Variants in SPON1 observed in about 807,000 individuals in gnomAD.
SPON1 encodes spondin-1.
A neutral mutation model predicts 111.7 loss-of-function variants in SPON1; 52 were observed. The ratio of observed to expected loss-of-function variants is 0.47; its 90% CI spans 0.37 to 0.59. The LOEUF (loss-of-function observed/expected upper bound fraction) is 0.59, where lower values mean the gene tolerates loss of function less well. Ranked by LOEUF, SPON1 falls within the 20% of genes least tolerant of loss-of-function variation. The pLI, the probability that SPON1 is intolerant of heterozygous loss-of-function variation, is 0.00. For synonymous variants in SPON1, 410 were observed against 395.8 expected (o/e 1.04, Z -0.43); for missense variants, 957 against 1,068.5 (o/e 0.90, Z 1.46).
chr11:14,040,143 C>G (rs1017983478), intron 2 of SPON1, among the ~76,000 whole-genome samples: 1 of 152,124 alleles, frequency 6.6e-6, no homozygotes, highest in Non-Finnish European at 1.5e-5. Context: ...AGCAATCCTA[C>G]TACATTATCA....
At chr11:14,262,556 C>A (rs1849198005) in intron 14 of SPON1, 156 bp from the exon 15 acceptor site, 1 of 982,630 alleles carries the variant, frequency 1.0e-6, no homozygotes, top group Non-Finnish European at 1.5e-6. Flanking sequence ...TGAAGTCAGC[C>A]TGCCTCTTTG....
intron 5 of SPON1, among the ~76,000 whole-genome samples, chr11:14,096,614 C>A (rs1235531199): frequency 2.6e-5 from 4 of 152,202 alleles, no homozygotes; most frequent in Non-Finnish European, 5.9e-5. Context: ...CCAGCAGCCA[C>A]AGCTTCTGCC....
rs534213039 is a variant in SPON1 at position 13,991,310 on chromosome 11, T to G, written c.345+8357T>G. The stretch of plus-strand genomic sequence containing the variant: ...TTTTCTCTAATCTTGCCTGCTCTCT[T>G]TATTTCATTAAGTTGATCTTTAATC... On this transcript the variant is annotated intron_variant, in intron 2 of 15. Transcript: ENST00000576479. Among the ~76,000 whole-genome samples the G allele has an allele frequency of 6.4e-4, 97 of 152,340 alleles. 1 individual carries two copies. The highest frequency in any genetic ancestry group is 2.3e-3 in the African/African-American group (95 of 41,570).
At chr11:13,978,642 G>C (rs1454851226) in intron 1 of SPON1, among the ~76,000 whole-genome samples, 1 of 152,164 alleles carries the variant, frequency 6.6e-6, no homozygotes, top group Non-Finnish European at 1.5e-5. Flanking sequence ...TTTAATTTCA[G>C]TAGGGTCCAA....
chr11:14,055,986 T>C (rs1848742194), intron 3 of SPON1, among the ~76,000 whole-genome samples: 2 of 152,192 alleles, frequency 1.3e-5, no homozygotes, highest in African/African-American at 4.8e-5. Flanking sequence ...AAGTCCCAGG[T>C]TGCCCCAATT....
At chr11:14,244,810 C>T (rs996276922) in intron 7 of SPON1, among the ~76,000 whole-genome samples, 11 of 152,182 alleles carry the variant, frequency 7.2e-5, no homozygotes, top group Non-Finnish European at 1.6e-4. Context: ...TCTGTGACTT[C>T]GCTTAGTCTC....
chr11:14,127,056 A>G lies in SPON1; in HGVS notation c.677-8364A>G, dbSNP rs566259132. Among the ~76,000 whole-genome samples the G allele has an allele frequency of 3.9e-5, 6 of 152,272 alleles. No homozygotes were observed. In the East Asian group the frequency reaches 1.2e-3, roughly 29 times the overall value. ...TCTTTGGTTACCATGCCTTACAGAA[A>G]TGTGTCTGCATTTTCCCTGCTCTAT... is the stretch of plus-strand genomic sequence containing the variant. On this transcript the variant is annotated intron_variant, in intron 5 of 15. Coordinates refer to ENST00000576479, the MANE Select transcript of SPON1 (RefSeq NM_006108.4).
rs376017829 is a variant in SPON1, at chr11:14,254,524, C to T, written c.891-4C>T. 1.3e-6 allele frequency: 2 copies of T among 1,591,488 alleles called. No individual in the cohort carries two copies. The highest frequency in any genetic ancestry group is 1.7e-6 in the Non-Finnish European group (2 of 1,168,938). Reference sequence around the variant, plus strand: ...ATATAATGGTCTCTGTATTTCGTTTCCAGGAGAGCAGCACCTTCAGCTGAA... The same window carrying T: ...ATATAATGGTCTCTGTATTTCGTTTTCAGGAGAGCAGCACCTTCAGCTGAA... On this transcript the variant is annotated splice_region_variant and splice_polypyrimidine_tract_variant and intron_variant, in intron 7 of 15. Transcript: ENST00000576479.
intron 1 of SPON1, among the ~76,000 whole-genome samples, chr11:13,971,346 CAGAAACTGGCTCTG>C (rs1397878954): frequency 1.2e-4 from 18 of 152,180 alleles, no homozygotes; most frequent in South Asian, 8.3e-4. Context: ...CTGCCAACCT[CAGAAACTGGCTCTG>C]AGAAACTGGC....
At chr11:14,003,440 T>C (rs1554912693) in intron 2 of SPON1, among the ~76,000 whole-genome samples, 1 of 152,156 alleles carries the variant, frequency 6.6e-6, no homozygotes, top group African/African-American at 2.4e-5. Flanking sequence ...TTAAGGAGTT[T>C]GGCTCAGGGA....
intron 3 of SPON1, among the ~76,000 whole-genome samples, chr11:14,058,035 C>A (rs971654275): frequency 6.6e-6 from 1 of 151,592 alleles, no homozygotes; most frequent in Non-Finnish European, 1.5e-5. Context: ...AAAAAGGACT[C>A]GGCAAAATCA....
chr11:14,103,336 A>T (rs994924510), intron 5 of SPON1, among the ~76,000 whole-genome samples: 1 of 152,178 alleles, frequency 6.6e-6, no homozygotes, highest in Non-Finnish European at 1.5e-5. Context: ...GGATTCGTTT[A>T]TCCCTGTCTC....
chr11:14,190,982 A>T (rs1402046227), intron 6 of SPON1, among the ~76,000 whole-genome samples: 2 of 151,760 alleles, frequency 1.3e-5, no homozygotes, highest in African/African-American at 2.4e-5. Flanking sequence ...AACAAAAAAG[A>T]AAAAAGCACT....
intron 6 of SPON1, among the ~76,000 whole-genome samples, chr11:14,201,158 G>A (rs1055904627): frequency 6.6e-6 from 1 of 151,910 alleles, no homozygotes; most frequent in Non-Finnish European, 1.5e-5. Context: ...GGCTAATATG[G>A]TGAAACCCCA....
chr11:13,995,324 A>G (rs1286877784), intron 2 of SPON1, among the ~76,000 whole-genome samples: 2 of 152,208 alleles, frequency 1.3e-5, no homozygotes, highest in African/African-American at 4.8e-5. Context: ...TCACACTGCT[A>G]TAAAGATACT....
At chr11:13,977,079 A>G (rs987924950) in intron 1 of SPON1, among the ~76,000 whole-genome samples, 2 of 152,220 alleles carry the variant, frequency 1.3e-5, no homozygotes, top group Admixed American at 1.3e-4. Context: ...TGAATATGCC[A>G]CAATTTATAT....
chr11:14,170,916 T>C (rs1375904523), intron 6 of SPON1, among the ~76,000 whole-genome samples: 4 of 152,208 alleles, frequency 2.6e-5, no homozygotes, highest in Non-Finnish European at 2.9e-5. Flanking sequence ...TTGAGGATTT[T>C]TGCATCAATG....
intron 6 of SPON1, among the ~76,000 whole-genome samples, chr11:14,149,843 C>G (rs1283410709): frequency 6.6e-6 from 1 of 152,162 alleles, no homozygotes; most frequent in Non-Finnish European, 1.5e-5. Flanking sequence ...TAAGTACCCT[C>G]TATGATGTTT....
intron 7 of SPON1, among the ~76,000 whole-genome samples, chr11:14,251,867 T>C (rs1849056695): frequency 6.6e-6 from 1 of 152,242 alleles, no homozygotes; most frequent in South Asian, 2.1e-4. Context: ...CTAAAATCAC[T>C]GACCTACATG....
Sources: gnomAD v4.1 joint callset for allele counts (sites outside exome capture counted in the v4.1 genomes callset) on GRCh38, gnomAD v4.1.1 for gene constraint, MANE v1.5 for transcripts, NCBI Gene and HGNC (gene_info 2026-07-23, HGNC 2026-07-21) for gene names.